Variants in IQSEC1 observed in about 807,000 individuals in gnomAD.
The protein encoded by IQSEC1 is IQ motif and SEC7 domain-containing protein 1.
IQSEC1 carries 31 observed loss-of-function variants against 91.0 expected under a neutral mutation model. The observed-to-expected ratio is 0.34, with a 90% CI of 0.26 to 0.46. The LOEUF is 0.46. IQSEC1 is among the 20% of genes least tolerant of loss of function. The pLI is 1.00. For missense variants in IQSEC1, 1,388 were observed against 1,575.6 expected (o/e 0.88, Z 2.02); for synonymous variants, 699 against 662.6 (o/e 1.05, Z -0.84).
chr3:13,181,592 G>A (rs1253978622), intron 1 of IQSEC1, among the ~76,000 whole-genome samples: 1 of 152,328 alleles, frequency 6.6e-6, no homozygotes, highest in East Asian at 1.9e-4. Flanking sequence ...AAGCCCATCA[G>A]TGAGTTTACA....
chr3:13,143,553 G>A (rs1389907488), intron 2 of IQSEC1, among the ~76,000 whole-genome samples: 1 of 152,242 alleles, frequency 6.6e-6, no homozygotes, highest in Non-Finnish European at 1.5e-5. Context: ...CCTGGAGACA[G>A]TGGCCACATG....
upstream of IQSEC1, among the ~76,000 whole-genome samples, chr3:13,078,327 AAG>A (rs1705594882): frequency 6.6e-6 from 1 of 152,176 alleles, no homozygotes; most frequent in African/African-American, 2.4e-5. Context: ...CATCATTAAA[AAG>A]TGGTGGCCAA....
intron 1 of IQSEC1, among the ~76,000 whole-genome samples, chr3:13,172,152 G>T (rs1023316700): frequency 4.6e-5 from 7 of 152,314 alleles, no homozygotes; most frequent in African/African-American, 1.7e-4. Context: ...AGCATTTGAG[G>T]GATAAACATT....
chr3:13,043,385 T>A (rs1348299874), intron 1 of IQSEC1, among the ~76,000 whole-genome samples: 1 of 152,172 alleles, frequency 6.6e-6, no homozygotes, highest in Non-Finnish European at 1.5e-5. Context: ...ACTAGCCACC[T>A]GAAAGTCTGA....
At chr3:13,192,310 C>G (rs564912376) in intron 1 of IQSEC1, among the ~76,000 whole-genome samples, 63 of 149,828 alleles carry the variant, frequency 4.2e-4, no homozygotes, top group African/African-American at 1.5e-3. Flanking sequence ...TGCACTCCAG[C>G]CTGGGCAACA....
At chr3:13,212,673 T>C (rs1160177323) in intron 1 of IQSEC1, among the ~76,000 whole-genome samples, 1 of 152,226 alleles carries the variant, frequency 6.6e-6, no homozygotes, top group East Asian at 1.9e-4. Flanking sequence ...CATCTCCTCA[T>C]CAACACTTGT....
chr3:13,037,654 A>C (rs568598640), intron 1 of IQSEC1, among the ~76,000 whole-genome samples: 1 of 152,248 alleles, frequency 6.6e-6, no homozygotes, highest in Non-Finnish European at 1.5e-5. Flanking sequence ...AACGTGGTCC[A>C]TACTTATAGT....
At position 13,258,483 on chromosome 3, in the gene IQSEC1, A is replaced by G. The variant is rs564925799; in HGVS notation, c.272+24228T>C. Among the ~76,000 whole-genome samples the G allele has an allele frequency of 6.6e-5, 10 of 152,222 alleles. No homozygotes were observed. The South Asian group carries it at 1.7e-3, about 25-fold the overall frequency. On this transcript the variant is annotated intron_variant, in intron 1 of 15. Transcript: ENST00000648114. The stretch of plus-strand genomic sequence containing the variant: ...GATCACTGGAGCCTAGGAGTTCCAG[A>G]CCAGCCTGGGCAACATAGTGAGATC...
At chr3:12,926,218 G>A (rs1314638077) in intron 3 of IQSEC1, among the ~76,000 whole-genome samples, 1 of 151,898 alleles carries the variant, frequency 6.6e-6, no homozygotes, top group African/African-American at 2.4e-5. Context: ...GCTGAGGCAG[G>A]AGAATCATTT....
intron 1 of IQSEC1, among the ~76,000 whole-genome samples, chr3:13,194,481 C>T (rs897604761): frequency 1.3e-5 from 2 of 152,184 alleles, no homozygotes; most frequent in South Asian, 2.1e-4. Context: ...CTGCCCACCG[C>T]TCTGTGATTC....
In IQSEC1 at chr3:12,920,600, C is replaced by T. The variant is rs374791044; in HGVS notation, c.1854-4G>A. On this transcript the variant is annotated splice_region_variant and splice_polypyrimidine_tract_variant and intron_variant, in intron 5 of 13. Coordinates refer to ENST00000613206, the MANE Select transcript of IQSEC1 (RefSeq NM_001134382.3). ...GTTGCAGATGCAGTAGCGCTGGCTG[C>T]GGGCCGGGAGGGAGGGGGTCAGGGC... 2.2e-5 allele frequency: 36 copies of T among 1,613,480 alleles called. No individual in the cohort carries two copies. Among genetic ancestry groups the T allele is most frequent in the Middle Eastern group, 1.6e-4 (1 of 6,074 alleles).
chr3:13,086,279 T>A (rs1705733786), intron 2 of IQSEC1, among the ~76,000 whole-genome samples: 1 of 152,154 alleles, frequency 6.6e-6, no homozygotes, highest in Admixed American at 6.6e-5. Context: ...TGACAGGAGA[T>A]GATGCCGGTT....
intron 1 of IQSEC1, among the ~76,000 whole-genome samples, chr3:13,219,049 C>T (rs12636673): frequency 0.2 from 29,934 of 152,138 alleles, 4,153 homozygotes; most frequent in African/African-American, 0.38. Flanking sequence ...CCCTGGGCCA[C>T]CATGTCAGTC....
chr3:13,171,901 CA>C (rs1187292385), intron 1 of IQSEC1, among the ~76,000 whole-genome samples: 2 of 152,150 alleles, frequency 1.3e-5, no homozygotes, highest in African/African-American at 4.8e-5. Context: ...GCCAAAGGGT[CA>C]GGGGTGGCAA....
chr3:13,130,359 A>AAG (rs1553567654), intron 2 of IQSEC1, among the ~76,000 whole-genome samples: 46 of 148,462 alleles, frequency 3.1e-4, no homozygotes, highest in African/African-American at 1.1e-3. Context: ...AAAAAAAAAA[A>AAG]AAAGAAAGAA....
intron 2 of IQSEC1, among the ~76,000 whole-genome samples, chr3:13,122,577 G>A (rs1386194710): frequency 2.6e-5 from 4 of 152,176 alleles, no homozygotes; most frequent in Non-Finnish European, 5.9e-5. Context: ...CACACGGAGT[G>A]AGGTAGGGGC....
chr3:13,180,101 G>A (rs1377528502), intron 1 of IQSEC1, among the ~76,000 whole-genome samples: 1 of 104,282 alleles, frequency 9.6e-6, no homozygotes, highest in Non-Finnish European at 2.3e-5. Context: ...GAGGAGTGCA[G>A]GTGCATGGTG....
intron 1 of IQSEC1, among the ~76,000 whole-genome samples, chr3:13,049,485 G>A (rs1704612363): frequency 6.6e-6 from 1 of 152,136 alleles, no homozygotes; most frequent in Admixed American, 6.5e-5. Flanking sequence ...TTAACCTTAT[G>A]AGGTACATGG....
In IQSEC1 at chr3:13,067,348, C is replaced by G. The variant is rs553567946; in HGVS notation, c.23+5644G>C. On this transcript the variant is annotated intron_variant, in intron 1 of 13. Coordinates refer to ENST00000613206, the MANE Select transcript of IQSEC1 (RefSeq NM_001134382.3). ...AGCCTGGGAGCAGCTTAGCCAGCAC[C>G]CAGGAGCAACGCCTCCTAAGCCCCC... Among the ~76,000 whole-genome samples, 4 of 152,324 alleles carry G rather than the reference C, an allele frequency of 2.6e-5. No homozygotes were observed. The East Asian group carries it at 7.7e-4, about 29-fold the overall frequency.
Sources: gnomAD v4.1 joint callset for allele counts (sites outside exome capture counted in the v4.1 genomes callset) on GRCh38, gnomAD v4.1.1 for gene constraint, MANE v1.5 for transcripts, NCBI Gene and HGNC (gene_info 2026-07-23, HGNC 2026-07-21) for gene names.